The following NT5E variants were observed in gnomAD, a reference collection of about 807,000 sequenced individuals.
NT5E encodes 5'-nucleotidase ecto.
In NT5E, 53 loss-of-function variants were observed where a neutral mutation model predicts 55.1. The ratio of observed to expected loss-of-function variants is 0.96; its 90% CI spans 0.77 to 1.21. The LOEUF (loss-of-function observed/expected upper bound fraction) is 1.21, where lower values mean the gene tolerates loss of function less well. Ranked by LOEUF, NT5E falls within the 50% of genes most tolerant of loss-of-function variation. The pLI, the probability that NT5E is intolerant of heterozygous loss-of-function variation, is 0.00. For missense variants in NT5E, 683 were observed against 724.3 expected (o/e 0.94, Z 0.65); for synonymous variants, 270 against 278.4 (o/e 0.97, Z 0.30).
intron 1 of NT5E, among the ~76,000 whole-genome samples, chr6:85,453,008 G>C (rs199817603): frequency 3.9e-5 from 6 of 152,136 alleles, no homozygotes; most frequent in Non-Finnish European, 8.8e-5. Context: ...GAGTCCCCTC[G>C]AGCAGGAACT....
intron 3 of NT5E, among the ~76,000 whole-genome samples, chr6:85,484,627 C>T (rs760726093): frequency 1.1e-4 from 16 of 152,304 alleles, no homozygotes; most frequent in Non-Finnish European, 2.1e-4. Flanking sequence ...ACGCCAAGAA[C>T]AGCTCTTTGT....
intron 1 of NT5E, among the ~76,000 whole-genome samples, chr6:85,457,552 T>C (rs1186454895): frequency 6.6e-6 from 1 of 152,154 alleles, no homozygotes. Flanking sequence ...GCTATTTCCT[T>C]GTGGAGAGAT....
At chr6:85,482,043 G>A (rs146725907) in intron 3 of NT5E, among the ~76,000 whole-genome samples, 1 of 152,316 alleles carries the variant, frequency 6.6e-6, no homozygotes, top group African/African-American at 2.4e-5. Context: ...TTAAAAGAAA[G>A]AGTCAAATCC....
chr6:85,469,096 G>T (rs1769252811), intron 2 of NT5E, among the ~76,000 whole-genome samples: 1 of 152,114 alleles, frequency 6.6e-6, no homozygotes, highest in South Asian at 2.1e-4. Flanking sequence ...GCACCCACAG[G>T]GTTATAACCT....
At position 85,494,229 on chromosome 6, in the gene NT5E, A is replaced by T; in HGVS notation, c.*225A>T. 3 of 545,114 alleles carry T rather than the reference A, an allele frequency of 5.5e-6. No individual in the cohort carries two copies. In the East Asian group the frequency reaches 8.9e-5, roughly 16 times the overall value. The allele number at this position is 545,114 out of a possible 1,614,324, so 33.8% of individuals were successfully genotyped here. A position where few individuals can be genotyped will look rare whatever the true frequency, so the allele number is the denominator to read the frequency against. ...CATAGGGCCCTATAAGGAGAAAGCC[A>T]ACTATGTTAAGTTTACGTGTCCAAA... On this transcript the variant is annotated 3_prime_UTR_variant, in exon 9 of 9. Transcript: ENST00000257770.
chr6:85,495,213 A>G lies in NT5E; in HGVS notation c.*1209A>G, dbSNP rs1341815107. Reference sequence around the variant, plus strand: ...GAACAGTCACTGTAAATCATTCTTAAGCCCAGATATGAGAACTTCTGCTGG... The same window carrying G: ...GAACAGTCACTGTAAATCATTCTTAGGCCCAGATATGAGAACTTCTGCTGG... On this transcript the variant is annotated 3_prime_UTR_variant, in exon 9 of 9. Transcript: ENST00000257770. 1 of 152,256 alleles carries G rather than the reference A, an allele frequency of 6.6e-6. No homozygotes were observed. Among genetic ancestry groups the G allele is most frequent in the African/African-American group, 2.4e-5 (1 of 41,472 alleles). The allele number at this position is 152,256 out of a possible 1,614,324, so 9.4% of individuals were successfully genotyped here.
chr6:85,480,883 G>A (rs1204098262), intron 3 of NT5E, among the ~76,000 whole-genome samples: 5 of 152,100 alleles, frequency 3.3e-5, no homozygotes, highest in Non-Finnish European at 5.9e-5. Flanking sequence ...TCTCTCCTAT[G>A]GTCCAGAAAC....
intron 1 of NT5E, among the ~76,000 whole-genome samples, chr6:85,455,564 C>A (rs1768971395): frequency 6.6e-6 from 1 of 152,176 alleles, no homozygotes; most frequent in Non-Finnish European, 1.5e-5. Flanking sequence ...TCATCTATAT[C>A]CTTTGTATAG....
intron 1 of NT5E, among the ~76,000 whole-genome samples, chr6:85,465,589 A>G (rs545862060): frequency 6.6e-5 from 10 of 152,236 alleles, no homozygotes; most frequent in African/African-American, 9.6e-5. Context: ...GCAAATTTAG[A>G]AATTCTGAAT....
At chr6:85,473,895 C>T (rs1769373405) in intron 3 of NT5E, among the ~76,000 whole-genome samples, 1 of 152,200 alleles carries the variant, frequency 6.6e-6, no homozygotes, top group South Asian at 2.1e-4. Flanking sequence ...CTTGTCTTTA[C>T]ACCATCTTAA....
In NT5E at chr6:85,490,625, GCCAGTCCA is replaced by G. The variant is rs766917703; in HGVS notation, c.1330_1337del (p.Gln444TrpfsTer14). The G allele has an allele frequency of 2.8e-5, 46 of 1,614,048 alleles. No individual in the cohort carries two copies. The highest frequency in any genetic ancestry group is 3.6e-5 in the Non-Finnish European group (43 of 1,180,028). ...TTTGAGCATAGCGTGCACCGCTACG[GCCAGTCCA>G]CTGGAGAGTTCCTGCAGGTGGGCGG... is the stretch of plus-strand genomic sequence containing the variant. On this transcript the variant is annotated frameshift_variant, in exon 7 of 9. Coordinates refer to ENST00000257770, the MANE Select transcript of NT5E (RefSeq NM_002526.4). LOFTEE classifies it high-confidence loss of function.
In NT5E at chr6:85,450,578, G is replaced by C. The variant is rs1412427008; in HGVS notation, c.339+100G>C. 1 of 1,130,142 alleles carries C rather than the reference G, an allele frequency of 8.8e-7. No individual in the cohort carries two copies. 70.0% of individuals were successfully genotyped at this position (1,130,142 alleles called of 1,614,324 possible). A position where few individuals can be genotyped will look rare whatever the true frequency, so the allele number is the denominator to read the frequency against. On this transcript the variant is annotated intron_variant, in intron 1 of 8. Transcript: ENST00000257770. The surrounding 1 kb of genome is among the most constrained non-coding windows in gnomAD (Gnocchi z 4.0). ...CAGAGTGTGGCAAGCCTAGGTCCAG[G>C]GCGCGGAGAGATGTGGGGATAAAGT...
Position 85,471,306 on chromosome 6 carries a change from A to G in NT5E, c.632A>G (p.Asn211Ser). ...QPEVDKLKTL[N>S]VNKIIALGHS... ...GAAGTAGATAAGTTAAAAACTCTAA[A>G]TGTGAACAAAATTATTGCACTGGGA... is the stretch of plus-strand genomic sequence containing the variant. The change falls in exon 3 of 9, where the codon AAT becomes AGT. Residue 211 changes from asparagine to serine, a missense_variant. Transcript: ENST00000257770. The G allele has an allele frequency of 1.2e-6, 2 of 1,613,064 alleles. No individual in the cohort carries two copies. Among genetic ancestry groups the G allele is most frequent in the Non-Finnish European group, 1.7e-6 (2 of 1,179,202 alleles).
chr6:85,460,123 A>C (rs1769065510), intron 1 of NT5E, among the ~76,000 whole-genome samples: 1 of 152,240 alleles, frequency 6.6e-6, no homozygotes, highest in African/African-American at 2.4e-5. Flanking sequence ...ATAACATTCA[A>C]TTATCATCTC....
chr6:85,489,098 G>A (rs1769729401), intron 5 of NT5E, among the ~76,000 whole-genome samples: 1 of 152,170 alleles, frequency 6.6e-6, no homozygotes, highest in Admixed American at 6.5e-5. Flanking sequence ...GAGGTCTGGT[G>A]TTGAGCAGGC....
intron 1 of NT5E, among the ~76,000 whole-genome samples, chr6:85,454,319 G>A (rs566161096): frequency 3.3e-5 from 5 of 152,230 alleles, no homozygotes; most frequent in Admixed American, 2.0e-4. Context: ...TCCCCAAACA[G>A]GACATGTAAA....
chr6:85,491,680 C>A (rs1317493597), intron 7 of NT5E, among the ~76,000 whole-genome samples: 2 of 152,208 alleles, frequency 1.3e-5, no homozygotes, highest in African/African-American at 4.8e-5. Flanking sequence ...ATTTAGTAGA[C>A]CAATTCAGCA....
intron 3 of NT5E, among the ~76,000 whole-genome samples, chr6:85,477,227 C>T (rs1477783733): frequency 6.6e-6 from 1 of 152,102 alleles, no homozygotes; most frequent in African/African-American, 2.4e-5. Context: ...TCCATTACAC[C>T]CTTGACTGTG....
Position 85,450,089 on chromosome 6 carries a change from C to T in NT5E, c.-51C>T. ...GCCCTAGCTGCTCGCCCCTACTCGCCGGCACTCGCCCGGCTCGCCCGCTTT... is the reference window on the plus strand; with the variant it reads ...GCCCTAGCTGCTCGCCCCTACTCGCTGGCACTCGCCCGGCTCGCCCGCTTT... On this transcript the variant is annotated 5_prime_UTR_variant, in exon 1 of 9. Coordinates refer to ENST00000257770, the MANE Select transcript of NT5E (RefSeq NM_002526.4). The surrounding 1 kb of genome is among the most constrained non-coding windows in gnomAD (Gnocchi z 4.0). The T allele has an allele frequency of 2.7e-6, 4 of 1,459,540 alleles. No individual in the cohort carries two copies. Among genetic ancestry groups the T allele is most frequent in the Non-Finnish European group, 2.8e-6 (3 of 1,080,228 alleles). 90.4% of individuals were successfully genotyped at this position (1,459,540 alleles called of 1,614,324 possible).
Sources: gnomAD v4.1 joint callset for allele counts (sites outside exome capture counted in the v4.1 genomes callset) on GRCh38, gnomAD v4.1.1 for gene constraint, Gnocchi (gnomAD v3.1) non-coding constraint, MANE v1.5 for transcripts, NCBI Gene and HGNC (gene_info 2026-07-23, HGNC 2026-07-21) for gene names.